The following CCNH variants were observed in gnomAD, a reference collection of about 807,000 sequenced individuals.
The protein encoded by CCNH is cyclin-H.
A neutral mutation model predicts 41.9 loss-of-function variants in CCNH; 31 were observed. That is an observed-to-expected ratio of 0.74 (90% CI 0.56 to 1.00). CCNH has a LOEUF of 1.00. CCNH is among the 50% of genes least tolerant of loss of function. The pLI, the probability that CCNH is intolerant of heterozygous loss-of-function variation, is 0.00. For missense variants in CCNH, 362 were observed against 388.4 expected (o/e 0.93, Z 0.57); for synonymous variants, 138 against 136.1 (o/e 1.01, Z -0.10).
intron 9 of CCNH, chr5:87,383,702 C>A: frequency 6.2e-7 from 1 of 1,600,702 alleles, no homozygotes; most frequent in Non-Finnish European, 8.5e-7. Flanking sequence ...AAAAATTTCC[C>A]TCCCATTCAG....
At chr5:87,393,579 A>G (rs1000539533), downstream of CCNH, 11 of 152,152 alleles carry the variant, frequency 7.2e-5, no homozygotes, top group Non-Finnish European at 1.6e-4. Context: ...ACTCATTTCA[A>G]TTTGAATTAC....
intron 7 of CCNH, among the ~76,000 whole-genome samples, chr5:87,395,364 G>A (rs1029989326): frequency 3.9e-5 from 6 of 152,132 alleles, no homozygotes; most frequent in Non-Finnish European, 8.8e-5. Flanking sequence ...AGGAAAGAGT[G>A]TGAAAAAATA....
chr5:87,374,787 G>A, downstream of CCNH: 2 of 1,595,676 alleles, frequency 1.3e-6, no homozygotes, highest in Non-Finnish European at 1.7e-6. Flanking sequence ...AAAGAAATAA[G>A]GTAGTTTGAT....
intron 9 of CCNH, chr5:87,332,782 A>G: frequency 1.2e-6 from 1 of 867,030 alleles, no homozygotes. Flanking sequence ...TTATAATGTC[A>G]GAACAAAATG....
At chr5:87,331,118 A>G in intron 9 of CCNH, 1 of 851,530 alleles carries the variant, frequency 1.2e-6, no homozygotes, top group South Asian at 1.7e-5. Flanking sequence ...AGATTTATAT[A>G]TGAGATGACT....
intron 2 of CCNH, among the ~76,000 whole-genome samples, chr5:87,410,426 T>C (rs191274586): frequency 7.4e-4 from 112 of 152,260 alleles, no homozygotes; most frequent in Middle Eastern, 3.4e-3. Flanking sequence ...GTAAATTCTA[T>C]GGACTTAATA....
downstream of CCNH, among the ~76,000 whole-genome samples, chr5:87,317,247 T>C (rs1756413331): frequency 6.6e-6 from 1 of 152,150 alleles, no homozygotes; most frequent in Non-Finnish European, 1.5e-5. Context: ...TTGCAGTCCT[T>C]TTGTTTGTGC....
intron 9 of CCNH, among the ~76,000 whole-genome samples, chr5:87,350,770 C>G (rs1759203984): frequency 6.6e-6 from 1 of 151,064 alleles, no homozygotes; most frequent in Non-Finnish European, 1.5e-5. Flanking sequence ...ACCATTCCCC[C>G]AGAACTTTGA....
At chr5:87,332,815 G>C (rs1004430519) in intron 9 of CCNH, among the ~76,000 whole-genome samples, 1 of 151,652 alleles carries the variant, frequency 6.6e-6, no homozygotes, top group East Asian at 1.9e-4. Flanking sequence ...GAAAAAAAAA[G>C]AAAATATTTT....
upstream of CCNH, among the ~76,000 whole-genome samples, chr5:87,378,701 A>G (rs1427972265): frequency 6.6e-6 from 1 of 152,206 alleles, no homozygotes. Context: ...GTTCTGCAAA[A>G]TGGACTTCTT....
chr5:87,403,856 T>C (rs1234667332), intron 5 of CCNH, among the ~76,000 whole-genome samples: 2 of 152,222 alleles, frequency 1.3e-5, no homozygotes, highest in South Asian at 2.1e-4. Flanking sequence ...GTAATTTACA[T>C]GACTATCTTT....
chr5:87,395,266 C>T (rs929309078), intron 7 of CCNH, among the ~76,000 whole-genome samples, 162 bp from the exon 8 acceptor site: 1 of 152,054 alleles, frequency 6.6e-6, no homozygotes, highest in African/African-American at 2.4e-5. Flanking sequence ...GAAAATGATA[C>T]TTTTACAATC....
At chr5:87,399,258 C>A (rs1167585987) in intron 7 of CCNH, 136 bp downstream of exon 7, 2 of 682,242 alleles carry the variant, frequency 2.9e-6, no homozygotes, top group Non-Finnish European at 5.2e-6. Flanking sequence ...TTAGAAATGT[C>A]CATTCAATAA....
intron 4 of CCNH, among the ~76,000 whole-genome samples, chr5:87,407,628 T>C (rs1479237612): frequency 6.6e-6 from 1 of 152,180 alleles, no homozygotes; most frequent in Non-Finnish European, 1.5e-5. Flanking sequence ...ACAATATAAT[T>C]CAAAGTTAGA....
intron 9 of CCNH, among the ~76,000 whole-genome samples, chr5:87,359,863 T>C (rs1378325232): frequency 2.0e-5 from 3 of 152,204 alleles, no homozygotes; most frequent in Non-Finnish European, 4.4e-5. Flanking sequence ...CATGTTTTCA[T>C]GTCTAGAAAG....
rs746551717 is a variant in CCNH, at chr5:87,346,698, A to T, written c.*91-27801T>A. ...TGGTTCCATGGGAAGATTTCCAAACAGGAAGCTTATAATTTACTAATGACA... is the reference window on the plus strand; with the variant it reads ...TGGTTCCATGGGAAGATTTCCAAACTGGAAGCTTATAATTTACTAATGACA... On this transcript the variant is annotated intron_variant and NMD_transcript_variant, in intron 9 of 9. Coordinates refer to the CCNH transcript ENST00000645953. 8.4e-6 allele frequency: 13 copies of T among 1,552,928 alleles called. No individual in the cohort carries two copies. The East Asian group carries it at 2.5e-4, about 30-fold the overall frequency.
chr5:87,377,180 T>C (rs1037731596), exon 1 of CCNH: 35 of 1,146,264 alleles, frequency 3.1e-5, no homozygotes, highest in South Asian at 2.7e-4. Context: ...TCCTTAAAAA[T>C]TGCAGTTGGA....
At chr5:87,405,923 T>C (rs1458796651) in intron 4 of CCNH, among the ~76,000 whole-genome samples, 1 of 151,954 alleles carries the variant, frequency 6.6e-6, no homozygotes, top group African/African-American at 2.4e-5. Flanking sequence ...CAAGCAGAAG[T>C]CTGGTAATGT....
chr5:87,368,903 C>A (rs915397427), intron 9 of CCNH, among the ~76,000 whole-genome samples: 1 of 152,134 alleles, frequency 6.6e-6, no homozygotes, highest in Non-Finnish European at 1.5e-5. Flanking sequence ...TTTTGTATTA[C>A]TATTTTAAGT....
Sources: gnomAD v4.1 joint callset for allele counts (sites outside exome capture counted in the v4.1 genomes callset) on GRCh38, gnomAD v4.1.1 for gene constraint, MANE v1.5 for transcripts, NCBI Gene and HGNC (gene_info 2026-07-23, HGNC 2026-07-21) for gene names.